The following CHCHD3 variants were observed in gnomAD, a reference collection of about 807,000 sequenced individuals.
CHCHD3 encodes coiled-coil-helix-coiled-coil-helix domain containing 3, also known as MICOS complex subunit MIC19.
Under a neutral mutation model 38.2 loss-of-function variants are expected in CHCHD3, and 20 were observed. That is an observed-to-expected ratio of 0.52 (90% CI 0.37 to 0.76). The LOEUF (loss-of-function observed/expected upper bound fraction) is 0.76, where lower values mean the gene tolerates loss of function less well. CHCHD3 is among the 30% of genes least tolerant of loss of function. CHCHD3 has a pLI of 0.00. For synonymous variants in CHCHD3, 82 were observed against 100.0 expected (o/e 0.82, Z 1.07); for missense variants, 245 against 279.2 (o/e 0.88, Z 0.87).
At chr7:132,953,742 G>A (rs546754614) in intron 4 of CHCHD3, among the ~76,000 whole-genome samples, 1 of 152,250 alleles carries the variant, frequency 6.6e-6, no homozygotes, top group East Asian at 1.9e-4. Flanking sequence ...CCCCAAGGAC[G>A]GACTTCACAT....
intron 4 of CHCHD3, among the ~76,000 whole-genome samples, chr7:132,910,551 G>A (rs1809920385): frequency 6.6e-6 from 1 of 152,202 alleles, no homozygotes. Context: ...CTGTCTCTCA[G>A]TTTAATATTG....
chr7:132,939,002 C>T (rs964137196), intron 4 of CHCHD3, among the ~76,000 whole-genome samples: 3 of 152,036 alleles, frequency 2.0e-5, no homozygotes, highest in East Asian at 1.9e-4. Flanking sequence ...AAACAATAAC[C>T]GAATGTACTG....
chr7:132,845,851 T>C (rs1808064533), intron 5 of CHCHD3, among the ~76,000 whole-genome samples: 2 of 152,226 alleles, frequency 1.3e-5, no homozygotes, highest in Admixed American at 6.5e-5. Context: ...CATTTTCTTA[T>C]GGGTTATTTT....
intron 4 of CHCHD3, among the ~76,000 whole-genome samples, chr7:132,958,447 G>C (rs1312931223): frequency 2.0e-5 from 3 of 151,998 alleles, no homozygotes; most frequent in Non-Finnish European, 4.4e-5. Flanking sequence ...AAAAGGAAAA[G>C]AAAAAACAAT....
chr7:133,022,141 AATAG>A (rs1288917599), intron 3 of CHCHD3, among the ~76,000 whole-genome samples: 1 of 152,152 alleles, frequency 6.6e-6, no homozygotes, highest in Non-Finnish European at 1.5e-5. Flanking sequence ...TTACAATGAT[AATAG>A]ATATTCTATA....
rs184165842 is a variant in CHCHD3, at chr7:133,022,271, G to C, written c.251+2275C>G. On this transcript the variant is annotated intron_variant, in intron 3 of 7. Coordinates refer to ENST00000262570, the MANE Select transcript of CHCHD3 (RefSeq NM_017812.4). ...TGAAGTGCTTGAGAACTGGTCAACA[G>C]GTTTGTGTGCATTTGGAGGGAAAAG... 1,251 of 379,184 alleles carry C rather than the reference G, an allele frequency of 3.3e-3. 2 individuals carry two copies. Among genetic ancestry groups the C allele is most frequent in the Non-Finnish European group, 4.9e-3 (938 of 190,246 alleles). 23.5% of individuals were successfully genotyped at this position (379,184 alleles called of 1,614,324 possible). A position where few individuals can be genotyped will look rare whatever the true frequency, so the allele number is the denominator to read the frequency against.
At position 133,082,026 on chromosome 7, in the gene CHCHD3, A is replaced by T. The variant is rs144858502; in HGVS notation, c.-89T>A. The T allele has an allele frequency of 1.6e-4, 197 of 1,226,312 alleles. No individual in the cohort carries two copies. In the African/African-American group the frequency reaches 2.0e-3, roughly 13 times the overall value. 76.0% of individuals were successfully genotyped at this position (1,226,312 alleles called of 1,614,324 possible). ...CCCACACGCGCGTGGAAGGGCCTGG[A>T]TTCTTTTCCCGCACAGCGGGAGCAA... On this transcript the variant is annotated 5_prime_UTR_variant, in exon 1 of 8. Transcript: ENST00000262570.
intron 5 of CHCHD3, among the ~76,000 whole-genome samples, chr7:132,865,919 C>T (rs550122614): frequency 2.0e-5 from 3 of 152,242 alleles, no homozygotes; most frequent in East Asian, 1.9e-4. Context: ...TTCTGGGTAG[C>T]GCAGTTTGTC....
At chr7:132,852,517 C>T (rs1808244110) in intron 5 of CHCHD3, among the ~76,000 whole-genome samples, 1 of 152,044 alleles carries the variant, frequency 6.6e-6, no homozygotes, top group Admixed American at 6.5e-5. Context: ...ATAGAAATAA[C>T]CACAGGACAG....
chr7:133,001,980 C>T (rs1452911411), intron 3 of CHCHD3, among the ~76,000 whole-genome samples: 4 of 152,148 alleles, frequency 2.6e-5, no homozygotes, highest in African/African-American at 9.7e-5. Context: ...TGTCCTCCAT[C>T]TTACAGATGA....
intron 4 of CHCHD3, among the ~76,000 whole-genome samples, chr7:132,940,862 A>G (rs1018795960): frequency 3.9e-5 from 6 of 152,104 alleles, no homozygotes; most frequent in African/African-American, 4.8e-5. Flanking sequence ...GCAGGAGTGG[A>G]TGAGTTAAGG....
At chr7:132,969,435 C>T (rs777157855) in intron 4 of CHCHD3, among the ~76,000 whole-genome samples, 1 of 152,178 alleles carries the variant, frequency 6.6e-6, no homozygotes, top group Non-Finnish European at 1.5e-5. Flanking sequence ...GCTGAACAAA[C>T]AACTGGTGCA....
intron 3 of CHCHD3, among the ~76,000 whole-genome samples, chr7:132,994,819 T>C (rs942236669): frequency 6.6e-6 from 1 of 152,168 alleles, no homozygotes; most frequent in African/African-American, 2.4e-5. Context: ...GAAGGGGCCT[T>C]ATCCCCTAGA....
chr7:133,003,270 T>G (rs1276194738), intron 3 of CHCHD3, among the ~76,000 whole-genome samples: 1 of 152,160 alleles, frequency 6.6e-6, no homozygotes, highest in South Asian at 2.1e-4. Flanking sequence ...CCCTTAAGAC[T>G]CATGTTTACA....
chr7:133,072,456 G>T (rs1814852005), intron 1 of CHCHD3, among the ~76,000 whole-genome samples: 1 of 152,106 alleles, frequency 6.6e-6, no homozygotes, highest in Admixed American at 6.5e-5. Context: ...TGAAAAAACT[G>T]AAGCATAGCC....
At chr7:132,792,877 C>A (rs1806499458) in intron 7 of CHCHD3, among the ~76,000 whole-genome samples, 1 of 152,128 alleles carries the variant, frequency 6.6e-6, no homozygotes, top group Non-Finnish European at 1.5e-5. Context: ...ATTTTTCTGT[C>A]AATAGCAGCA....
At chr7:132,801,494 C>T (rs1160845453) in intron 6 of CHCHD3, among the ~76,000 whole-genome samples, 1 of 152,174 alleles carries the variant, frequency 6.6e-6, no homozygotes, top group Non-Finnish European at 1.5e-5. Flanking sequence ...ATTTGAGATG[C>T]TATTTCTTTT....
At chr7:132,796,699 GA>G in intron 6 of CHCHD3, 122 bp from the exon 7 acceptor site, 3 of 874,614 alleles carry the variant, frequency 3.4e-6, no homozygotes, top group Non-Finnish European at 5.1e-6. Context: ...AAAGGTTTAA[GA>G]GAAAGAATTT....
intron 4 of CHCHD3, among the ~76,000 whole-genome samples, chr7:132,887,380 C>G (rs1809243830): frequency 6.6e-6 from 1 of 151,246 alleles, no homozygotes; most frequent in Non-Finnish European, 1.5e-5. Flanking sequence ...ATATACATGA[C>G]TACATAATCT....
Sources: gnomAD v4.1 joint callset for allele counts (sites outside exome capture counted in the v4.1 genomes callset) on GRCh38, gnomAD v4.1.1 for gene constraint, MANE v1.5 for transcripts, NCBI Gene and HGNC (gene_info 2026-07-23, HGNC 2026-07-21) for gene names.